The following PREP variants were observed in gnomAD, a reference collection of about 807,000 sequenced individuals.
PREP encodes the protein dJ355L5.1 (prolyl endopeptidase).
PREP carries 29 observed loss-of-function variants against 87.6 expected under a neutral mutation model. That is an observed-to-expected ratio of 0.33 (90% confidence interval 0.25 to 0.45). The LOEUF is 0.45. Ranked by LOEUF, PREP falls within the 20% of genes least tolerant of loss-of-function variation. The pLI is 1.00. For missense variants in PREP, 695 were observed against 886.5 expected (o/e 0.78, Z 2.74); for synonymous variants, 337 against 328.6 (o/e 1.03, Z -0.28).
chr6:105,324,271 C>G (rs1583055732), intron 9 of PREP, among the ~76,000 whole-genome samples: 2 of 152,224 alleles, frequency 1.3e-5, no homozygotes. Flanking sequence ...CTACCTGGCA[C>G]CTACCTATCT....
intron 5 of PREP, 99 bp from the exon 6 acceptor site, chr6:105,369,123 T>C: frequency 7.9e-7 from 1 of 1,260,406 alleles, no homozygotes; most frequent in South Asian, 1.4e-5. Flanking sequence ...AACAAGTAGC[T>C]GGCTGCAGGA....
chr6:105,390,420 T>G (rs1470321038), intron 2 of PREP, among the ~76,000 whole-genome samples: 1 of 152,238 alleles, frequency 6.6e-6, no homozygotes, highest in Non-Finnish European at 1.5e-5. Context: ...GAGTTGTTGT[T>G]ACTCTCATTT....
intron 6 of PREP, among the ~76,000 whole-genome samples, chr6:105,361,123 C>T (rs1772237739): frequency 6.6e-6 from 1 of 151,996 alleles, no homozygotes; most frequent in African/African-American, 2.4e-5. Flanking sequence ...GTCTCAATAC[C>T]ATATAATGCA....
intron 10 of PREP, among the ~76,000 whole-genome samples, chr6:105,321,770 T>C (rs1024662742): frequency 6.6e-6 from 1 of 152,070 alleles, no homozygotes; most frequent in African/African-American, 2.4e-5. Context: ...TACACTTGGG[T>C]ACTAAATGTC....
rs779343201 is a variant in PREP, at chr6:105,276,621, A to G, written c.*1523T>C. 6.6e-6 allele frequency among the ~76,000 whole-genome samples: 1 copy of G among 152,248 alleles called. No homozygotes were observed. Among genetic ancestry groups the G allele is most frequent in the African/African-American group, 2.4e-5 (1 of 41,468 alleles). ...AGAGTCTCAGCATGCAACACTAGCTACTGGCACACTTTGTTTCCAGAGGAG... is the reference window on the plus strand; with the variant it reads ...AGAGTCTCAGCATGCAACACTAGCTGCTGGCACACTTTGTTTCCAGAGGAG... On this transcript the variant is annotated 3_prime_UTR_variant, in exon 15 of 15. Coordinates refer to ENST00000652536, the MANE Select transcript of PREP (RefSeq NM_002726.5).
chr6:105,363,967 C>A (rs1003744394), intron 6 of PREP, among the ~76,000 whole-genome samples: 2 of 152,130 alleles, frequency 1.3e-5, no homozygotes, highest in African/African-American at 2.4e-5. Context: ...AGAGCTGGAA[C>A]CTGGACATAC....
chr6:105,324,551 T>G (rs961397706), intron 9 of PREP, among the ~76,000 whole-genome samples: 1 of 152,184 alleles, frequency 6.6e-6, no homozygotes, highest in Non-Finnish European at 1.5e-5. Context: ...TAAAACAGAA[T>G]TAGTCATCCA....
chr6:105,329,842 G>A (rs112788604), intron 8 of PREP, among the ~76,000 whole-genome samples: 3,372 of 152,286 alleles, frequency 0.022, 122 homozygotes, highest in African/African-American at 0.077. Context: ...GGTGGGTTGA[G>A]GATCCAAAAC....
At chr6:105,317,017 T>G (rs994617253) in intron 10 of PREP, among the ~76,000 whole-genome samples, 2 of 151,824 alleles carry the variant, frequency 1.3e-5, no homozygotes, top group South Asian at 4.2e-4. Context: ...ACAATCATAG[T>G]TCACTGTAAC....
chr6:105,325,317 C>T (rs374237966), intron 9 of PREP, among the ~76,000 whole-genome samples: 67 of 152,292 alleles, frequency 4.4e-4, no homozygotes, highest in African/African-American at 1.5e-3. Context: ...CAGCAAATGA[C>T]AAAGGCCTAG....
chr6:105,396,381 G>C (rs1158685924), intron 2 of PREP, among the ~76,000 whole-genome samples: 1 of 152,224 alleles, frequency 6.6e-6, no homozygotes, highest in Admixed American at 6.5e-5. Context: ...CAGAAAGCAG[G>C]TGAGCCAGTG....
At position 105,352,962 on chromosome 6, in the gene PREP, A is replaced by G; in HGVS notation, c.823+10T>C. 2 of 1,603,366 alleles carry G rather than the reference A, an allele frequency of 1.2e-6. No individual in the cohort carries two copies. The highest frequency in any genetic ancestry group is 1.7e-6 in the Non-Finnish European group (2 of 1,170,924). ...TGGAATAACTATCTGTGTCTGAAAA[A>G]ATAACTCACCCGCGATGCCACTGGA... On this transcript the variant is annotated intron_variant, in intron 7 of 14. Transcript: ENST00000652536.
At chr6:105,397,787 T>C in intron 2 of PREP, 66 bp downstream of exon 2, 1 of 1,239,136 alleles carries the variant, frequency 8.1e-7, no homozygotes, top group South Asian at 1.2e-5. Context: ...AAGCTATAGT[T>C]ACTGACATTT....
intron 12 of PREP, among the ~76,000 whole-genome samples, chr6:105,284,135 T>C (rs1770136745): frequency 6.6e-6 from 1 of 152,248 alleles, no homozygotes; most frequent in South Asian, 2.1e-4. Context: ...TTTCACAGTA[T>C]GATTTTAGTG....
rs1235604356 is a variant in PREP, at chr6:105,325,637, T to G, written c.1214-1869A>C. 4.6e-5 allele frequency among the ~76,000 whole-genome samples: 7 copies of G among 152,208 alleles called. 1 individual carries two copies. Among genetic ancestry groups the G allele is most frequent in the South Asian group, 4.1e-4 (2 of 4,826 alleles). On this transcript the variant is annotated intron_variant, in intron 9 of 14. Transcript: ENST00000652536. ...AGGTACTGGCACTTAATATATTTTA[T>G]CGATACTTTCTGTTTATAGATCCAT...
At chr6:105,391,076 A>G (rs11152886) in intron 2 of PREP, among the ~76,000 whole-genome samples, 41,753 of 143,012 alleles carry the variant, frequency 0.29, 7,662 homozygotes, top group African/African-American at 0.55. Flanking sequence ...TTTTTTTTTA[A>G]TTAAGAGACA....
chr6:105,319,123 A>G (rs1381988322), intron 10 of PREP, among the ~76,000 whole-genome samples: 1 of 152,250 alleles, frequency 6.6e-6, no homozygotes, highest in Non-Finnish European at 1.5e-5. Flanking sequence ...GCTCGGCTGC[A>G]AAGCAAACCG....
intron 4 of PREP, among the ~76,000 whole-genome samples, chr6:105,374,921 A>G (rs1156449194): frequency 1.3e-5 from 2 of 152,016 alleles, no homozygotes; most frequent in Non-Finnish European, 2.9e-5. Context: ...AGTCACTAGA[A>G]GAATGCATTA....
At chr6:105,345,294 TGTCTATAA>T in intron 7 of PREP, among the ~76,000 whole-genome samples, 1 of 152,374 alleles carries the variant, frequency 6.6e-6, no homozygotes, top group South Asian at 2.1e-4. Flanking sequence ...GAGGTTCTTT[TGTCTATAA>T]AGTGGCATTA....
Sources: gnomAD v4.1 joint callset for allele counts (sites outside exome capture counted in the v4.1 genomes callset) on GRCh38, gnomAD v4.1.1 for gene constraint, MANE v1.5 for transcripts, NCBI Gene and HGNC (gene_info 2026-07-23, HGNC 2026-07-21) for gene names.